The following YTHDC2 variants were observed in gnomAD, a reference collection of about 807,000 sequenced individuals.
The protein encoded by YTHDC2 is YTH N6-methyladenosine RNA binding protein C2, also known as 3'-5' RNA helicase YTHDC2.
In YTHDC2, 45 loss-of-function variants were observed where a neutral mutation model predicts 174.9. That is an observed-to-expected ratio of 0.26 (90% CI 0.20 to 0.33). The LOEUF is 0.33. YTHDC2 is among the 10% of genes least tolerant of loss of function. The pLI, the probability that YTHDC2 is intolerant of heterozygous loss-of-function variation, is 1.00. For synonymous variants in YTHDC2, 657 were observed against 574.5 expected (o/e 1.14, Z -2.05); for missense variants, 1,650 against 1,723.7 (o/e 0.96, Z 0.76).
At chr5:113,562,448 G>A (rs1777057437) in intron 18 of YTHDC2, among the ~76,000 whole-genome samples, 1 of 150,912 alleles carries the variant, frequency 6.6e-6, no homozygotes, top group African/African-American at 2.4e-5. Flanking sequence ...ATATATCTAA[G>A]ATGATTTCCC....
At chr5:113,563,821 T>C in intron 19 of YTHDC2, 38 bp from the exon 20 acceptor site, 1 of 1,607,760 alleles carries the variant, frequency 6.2e-7, no homozygotes, top group South Asian at 1.1e-5. Context: ...TTAAACAGTT[T>C]GCTCACATCA....
intron 10 of YTHDC2, 53 bp downstream of exon 10, chr5:113,542,556 G>A (rs1265521088): frequency 1.4e-5 from 21 of 1,515,872 alleles, no homozygotes; most frequent in East Asian, 2.3e-5. Context: ...TATGGTGGAA[G>A]TATAGTTTAA....
In YTHDC2 at chr5:113,591,639, T is replaced by C. The variant is rs566788591; in HGVS notation, c.4030-357T>C. On this transcript the variant is annotated intron_variant, in intron 27 of 29. Coordinates refer to ENST00000161863, the MANE Select transcript of YTHDC2 (RefSeq NM_022828.5). Reference sequence around the variant, plus strand: ...CATCTTGACTTAATGTATACCTGAATTTATAAAATAATACATTTATTATTT... The same window carrying C: ...CATCTTGACTTAATGTATACCTGAACTTATAAAATAATACATTTATTATTT... 3.3e-5 allele frequency among the ~76,000 whole-genome samples: 5 copies of C among 152,262 alleles called. No individual in the cohort carries two copies. The South Asian group carries it at 6.2e-4, about 19-fold the overall frequency.
In YTHDC2 at chr5:113,553,610, C is replaced by T. The variant is rs1298750640; in HGVS notation, c.1888C>T (p.Pro630Ser). 2 of 1,613,314 alleles carry T rather than the reference C, an allele frequency of 1.2e-6. No individual in the cohort carries two copies. Among genetic ancestry groups the T allele is most frequent in the South Asian group, 2.2e-5 (2 of 91,050 alleles). The change falls in exon 14 of 30, where the codon CCT (proline) becomes TCT (serine). Residue 630 changes from proline (P) to serine (S), a missense_variant. This residue lies in a region of YTHDC2 where 17 missense variants were observed against 37.3 expected (regional missense o/e 0.46). Transcript: ENST00000161863. ...CDAGAVLIFLPGYDEIVGLRD... is the reference protein window; with the variant it reads ...CDAGAVLIFLSGYDEIVGLRD... Reference sequence around the variant, plus strand: ...CCAAGGTGCAGTACTAATTTTTCTGCCTGGATATGACGAAATTGTTGGACT... The same window carrying T: ...CCAAGGTGCAGTACTAATTTTTCTGTCTGGATATGACGAAATTGTTGGACT...
chr5:113,591,933 A>T, intron 27 of YTHDC2, 63 bp from the exon 28 acceptor site: 2 of 1,241,798 alleles, frequency 1.6e-6, no homozygotes, highest in Non-Finnish European at 2.1e-6. Flanking sequence ...TTCTCAGATA[A>T]ATTAAATTTA....
intron 2 of YTHDC2, among the ~76,000 whole-genome samples, chr5:113,516,542 G>A (rs1773438828): frequency 6.6e-6 from 1 of 152,142 alleles, no homozygotes; most frequent in Non-Finnish European, 1.5e-5. Context: ...TCTGTTTTGT[G>A]TACTGTAGGG....
At chr5:113,582,326 C>T (rs1294395080) in intron 25 of YTHDC2, 1 of 152,068 alleles carries the variant, frequency 6.6e-6, no homozygotes, top group Non-Finnish European at 1.5e-5. Flanking sequence ...ATAATTTAGC[C>T]AAATTCTTCT....
chr5:113,584,367 T>C lies in YTHDC2; in HGVS notation c.3713T>C (p.Leu1238Ser). 1 of 1,613,906 alleles carries C rather than the reference T, an allele frequency of 6.2e-7. No homozygotes were observed. Among genetic ancestry groups the C allele is most frequent in the South Asian group, 1.1e-5 (1 of 91,058 alleles). ...CAGAAGTACAAAGATAGAGGAATTTTACATCCTAAACGAGGTACTGAGGAC... is the reference window on the plus strand; with the variant it reads ...CAGAAGTACAAAGATAGAGGAATTTCACATCCTAAACGAGGTACTGAGGAC... ...PPQKYKDRGILHPKRGTEDRS... is the reference protein window; with the variant it reads ...PPQKYKDRGISHPKRGTEDRS... The change falls in exon 26 of 30, where the codon TTA becomes TCA. Residue 1238 changes from leucine to serine, a missense_variant. This residue lies in a region of YTHDC2 where 913 missense variants were observed against 940.4 expected (regional missense o/e 0.97). Coordinates refer to ENST00000161863, the MANE Select transcript of YTHDC2 (RefSeq NM_022828.5).
In YTHDC2 at chr5:113,548,111, ATTTGAAGCTTTTAAGTATTCAT is replaced by A. The variant is rs1392609062; in HGVS notation, c.1496-428_1496-407del. Among the ~76,000 whole-genome samples the A allele has an allele frequency of 2.0e-5, 3 of 152,320 alleles. No individual in the cohort carries two copies. In the East Asian group the frequency reaches 5.8e-4, roughly 29 times the overall value. ...AACCAAACATTGTCTCAAACTTTGCATTTGAAGCTTTTAAGTATTCATTACTAGTTACTGATGAAAATTAACT... is the reference window on the plus strand; with the variant it reads ...AACCAAACATTGTCTCAAACTTTGCATACTAGTTACTGATGAAAATTAACT... On this transcript the variant is annotated intron_variant, in intron 10 of 29. Transcript: ENST00000161863.
rs781646314 is a variant in YTHDC2, at chr5:113,564,128, C to T, written c.2712C>T (p.Phe904=). 1.2e-6 allele frequency: 2 copies of T among 1,611,810 alleles called. No individual in the cohort carries two copies. Among genetic ancestry groups the T allele is most frequent in the Non-Finnish European group, 8.5e-7 (1 of 1,178,500 alleles). ...FSDHMALLRA[F]QAWQKARSDG... ...ACCATATGGCACTTCTCAGAGCATT[C>T]CAGGTACTATTACTGTCATTTTATT... Residue 904 remains phenylalanine (F), a synonymous_variant, in exon 20 of 30, where the codon TTC becomes TTT. Transcript: ENST00000161863.
chr5:113,550,484 A>G (rs73240992), intron 12 of YTHDC2, among the ~76,000 whole-genome samples: 1 of 152,328 alleles, frequency 6.6e-6, no homozygotes, highest in African/African-American at 2.4e-5. Context: ...TACCAGTCAT[A>G]GTAAAGTAAA....
At chr5:113,556,744 A>G (rs569562619) in intron 17 of YTHDC2, among the ~76,000 whole-genome samples, 14 of 152,292 alleles carry the variant, frequency 9.2e-5, no homozygotes, top group African/African-American at 2.9e-4. Context: ...ATTTGAAACT[A>G]TTTATCCAAA....
intron 17 of YTHDC2, among the ~76,000 whole-genome samples, chr5:113,560,372 T>C (rs1160505103): frequency 6.6e-6 from 1 of 152,204 alleles, no homozygotes; most frequent in East Asian, 1.9e-4. Flanking sequence ...TTTTCTCTTT[T>C]AATTCCATTT....
intron 16 of YTHDC2, among the ~76,000 whole-genome samples, chr5:113,555,517 G>T (rs1195270276): frequency 6.6e-6 from 1 of 152,024 alleles, no homozygotes; most frequent in Admixed American, 6.6e-5. Context: ...TTTCTTCATT[G>T]TAACGTTCGG....
At chr5:113,563,253 C>A (rs1182866804) in intron 18 of YTHDC2, 120 bp from the exon 19 acceptor site, 7 of 801,544 alleles carry the variant, frequency 8.7e-6, no homozygotes, top group South Asian at 3.0e-5. Context: ...TTCTACTGTT[C>A]ATTCTAATCA....
At chr5:113,537,170 A>G (rs1775137226) in intron 7 of YTHDC2, among the ~76,000 whole-genome samples, 1 of 152,094 alleles carries the variant, frequency 6.6e-6, no homozygotes, top group African/African-American at 2.4e-5. Context: ...TCTATTTTTA[A>G]TTTTAACAGC....
intron 17 of YTHDC2, 90 bp downstream of exon 17, chr5:113,556,224 C>T: frequency 3.3e-6 from 2 of 611,606 alleles, no homozygotes; most frequent in Non-Finnish European, 5.4e-6. Context: ...ATTCCATGTT[C>T]AATAAAATAG....
intron 8 of YTHDC2, among the ~76,000 whole-genome samples, chr5:113,539,619 G>A (rs1487671649): frequency 6.6e-6 from 1 of 152,144 alleles, no homozygotes; most frequent in Non-Finnish European, 1.5e-5. Context: ...TTTGAATTTA[G>A]CATTATTTTC....
At chr5:113,585,410 A>G (rs1314464398) in intron 26 of YTHDC2, among the ~76,000 whole-genome samples, 2 of 152,244 alleles carry the variant, frequency 1.3e-5, no homozygotes, top group East Asian at 3.9e-4. Context: ...TCTTTGTTAA[A>G]TAAGAGGAAA....
Sources: gnomAD v4.1 joint callset for allele counts (sites outside exome capture counted in the v4.1 genomes callset) on GRCh38, gnomAD v4.1.1 for gene constraint, gnomAD v4.1.1 regional missense constraint, MANE v1.5 for transcripts, NCBI Gene and HGNC (gene_info 2026-07-23, HGNC 2026-07-21) for gene names.